The following BBS5 variants were observed in gnomAD, a reference collection of about 807,000 sequenced individuals.
BBS5 encodes the protein BBSome complex member BBS5.
In BBS5, 39 loss-of-function variants were observed where a neutral mutation model predicts 50.2. The ratio of observed to expected loss-of-function variants is 0.78; its 90% CI spans 0.60 to 1.01. The LOEUF is 1.01. BBS5 is among the 50% of genes least tolerant of loss of function. BBS5 has a pLI of 0.00. For missense variants in BBS5, 356 were observed against 401.5 expected (o/e 0.89, Z 0.97); for synonymous variants, 134 against 133.1 (o/e 1.01, Z -0.05).
At chr2:169,482,006 T>C (rs1190020504) in intron 1 of BBS5, among the ~76,000 whole-genome samples, 1 of 152,204 alleles carries the variant, frequency 6.6e-6, no homozygotes, top group African/African-American at 2.4e-5. Flanking sequence ...CTTTTCCTTT[T>C]ATTTTTCAAA....
chr2:169,490,190 T>A (rs1250700462), intron 5 of BBS5, among the ~76,000 whole-genome samples: 1 of 133,640 alleles, frequency 7.5e-6, no homozygotes, highest in Non-Finnish European at 1.6e-5. Context: ...AATGTGCATT[T>A]TTTTTTTTTT....
At chr2:169,502,075 T>A (rs912442141) in intron 9 of BBS5, among the ~76,000 whole-genome samples, 4 of 152,152 alleles carry the variant, frequency 2.6e-5, no homozygotes, top group Admixed American at 6.6e-5. Flanking sequence ...TCAGAATTAA[T>A]CAGCCTCCTC....
chr2:169,494,487 C>T (rs539838882), intron 7 of BBS5, among the ~76,000 whole-genome samples: 4 of 151,194 alleles, frequency 2.6e-5, no homozygotes, highest in South Asian at 2.1e-4. Flanking sequence ...GAGGCAGAGG[C>T]GGGAGGATTG....
At position 169,493,815 on chromosome 2, in the gene BBS5, C is replaced by A; in HGVS notation, c.597C>A (p.Val199=). The change falls in exon 7 of 12, where the codon GTC becomes GTA. Residue 199 remains valine, a synonymous_variant. Transcript: ENST00000295240. ...CAAATATGAATGATAGTTTTAATGT[C>A]AGTATACCATATCTGCAAATTGTAA... The part of the protein sequence containing the change: ...WHANMNDSFN[V]SIPYLQIRSI... The A allele has an allele frequency of 6.2e-7, 1 of 1,604,552 alleles. No individual in the cohort carries two copies. The highest frequency in any genetic ancestry group is 1.1e-5 in the South Asian group (1 of 90,766).
rs1173321194 is a variant in BBS5, at chr2:169,497,651, A to G, written c.643A>G (p.Lys215Glu). The G allele has an allele frequency of 6.3e-7, 1 of 1,599,448 alleles. No individual in the cohort carries two copies. The highest frequency in any genetic ancestry group is 2.2e-5 in the East Asian group (1 of 44,652). Reference sequence around the variant, plus strand: ...GCGTTCAATAAAGATTAGAGATTCAAAATTTGGTTTAGCTCTTGTCATAGA... The same window carrying G: ...GCGTTCAATAAAGATTAGAGATTCAGAATTTGGTTTAGCTCTTGTCATAGA... ...QIRSIKIRDSKFGLALVIESS... is the reference protein window; with the variant it reads ...QIRSIKIRDSEFGLALVIESS... Residue 215 changes from lysine (K) to glutamate (E), a missense_variant, in exon 8 of 12, where the codon AAA becomes GAA. Physicochemically the swap from Lys to Glu is moderately conservative, Grantham distance 56. Transcript: ENST00000295240.
chr2:169,506,574 A>G lies in BBS5; in HGVS notation c.*1992A>G, dbSNP rs905276780. ...CCTAGTTTATAAATGTTTATTTTGTACTTAATACCTGTAAAGTCTTAGTTT... is the reference window on the plus strand; with the variant it reads ...CCTAGTTTATAAATGTTTATTTTGTGCTTAATACCTGTAAAGTCTTAGTTT... On this transcript the variant is annotated 3_prime_UTR_variant, in exon 12 of 12. Coordinates refer to ENST00000295240, the MANE Select transcript of BBS5 (RefSeq NM_152384.3). The G allele has an allele frequency of 6.6e-6, 1 of 152,402 alleles. No homozygotes were observed. Among genetic ancestry groups the G allele is most frequent in the Non-Finnish European group, 1.5e-5 (1 of 68,310 alleles). The allele number at this position is 152,402 out of a possible 1,614,324, so 9.4% of individuals were successfully genotyped here. A position where few individuals can be genotyped will look rare whatever the true frequency, so the allele number is the denominator to read the frequency against.
rs17854325 is a variant in BBS5 at position 169,499,533 on chromosome 2, A to G, written c.729A>G (p.Leu243=). ...LGFKIDPVEK[L]QESVKEINSL... The stretch of plus-strand genomic sequence containing the variant: ...TTAAAATAGATCCTGTGGAAAAACT[A>G]CAAGAATCAGTTAAGGAAATCAATT... Residue 243 remains leucine (L), a synonymous_variant, in exon 9 of 12, where the codon CTA becomes CTG. Coordinates refer to ENST00000295240, the MANE Select transcript of BBS5 (RefSeq NM_152384.3). The G allele has an allele frequency of 6.2e-7, 1 of 1,613,490 alleles. No homozygotes were observed. The highest frequency in any genetic ancestry group is 8.5e-7 in the Non-Finnish European group (1 of 1,179,448).
At chr2:169,489,749 G>A (rs1157329797) in intron 5 of BBS5, among the ~76,000 whole-genome samples, 1 of 149,740 alleles carries the variant, frequency 6.7e-6, no homozygotes, top group Non-Finnish European at 1.5e-5. Flanking sequence ...AGACACATAG[G>A]TATGTGTATA....
At chr2:169,487,365 A>G (rs1683504088) in intron 3 of BBS5, among the ~76,000 whole-genome samples, 1 of 152,034 alleles carries the variant, frequency 6.6e-6, no homozygotes, top group South Asian at 2.1e-4. Context: ...TTGTTTTTTG[A>G]TTATTTTTGA....
In BBS5 at chr2:169,499,556, A is replaced by T; in HGVS notation, c.752A>T (p.Asn251Ile). ...EKLQESVKEI[N>I]SLHKVYSASP... ...CTACAAGAATCAGTTAAGGAAATCA[A>T]TTCACTTCACAAAGTCTATTCTGCC... Residue 251 changes from asparagine to isoleucine, a missense_variant, in exon 9 of 12, where the codon AAT (asparagine) becomes ATT (isoleucine). By Grantham distance (149) the Asn-to-Ile change is moderately radical (BLOSUM62 -3). Coordinates refer to ENST00000295240, the MANE Select transcript of BBS5 (RefSeq NM_152384.3). 6.2e-7 allele frequency: 1 copy of T among 1,613,716 alleles called. No individual in the cohort carries two copies. The highest frequency in any genetic ancestry group is 2.2e-5 in the East Asian group (1 of 44,852).
intron 9 of BBS5, among the ~76,000 whole-genome samples, chr2:169,499,832 C>G (rs916955385): frequency 2.6e-5 from 4 of 152,202 alleles, no homozygotes; most frequent in African/African-American, 9.7e-5. Flanking sequence ...CATTCCTGCC[C>G]CGCATACCTG....
At position 169,506,035 on chromosome 2, in the gene BBS5, C is replaced by T. The variant is rs1382859713; in HGVS notation, c.*1453C>T. 2 of 143,070 alleles carry T rather than the reference C, an allele frequency of 1.4e-5. No homozygotes were observed. Among genetic ancestry groups the T allele is most frequent in the African/African-American group, 5.2e-5 (2 of 38,724 alleles). The allele number at this position is 143,070 out of a possible 1,614,324, so 8.9% of individuals were successfully genotyped here. A position where few individuals can be genotyped will look rare whatever the true frequency, so the allele number is the denominator to read the frequency against. On this transcript the variant is annotated 3_prime_UTR_variant, in exon 12 of 12. Coordinates refer to ENST00000295240, the MANE Select transcript of BBS5 (RefSeq NM_152384.3). ...CAGCCCCCCGCCCGGCTAGCCGCCC[C>T]GTCCGGGAGGCGAGGGGCGCCTCTG...
rs866297056 is a variant in BBS5, at chr2:169,492,871, T to C, written c.387-3T>C. 3.1e-6 allele frequency: 5 copies of C among 1,610,602 alleles called. No individual in the cohort carries two copies. In the Middle Eastern group the frequency reaches 5.6e-4, roughly 179 times the overall value. On this transcript the variant is annotated splice_polypyrimidine_tract_variant and splice_region_variant and intron_variant, in intron 5 of 11. Transcript: ENST00000295240. ...GTTGTCTTTTGTTTGTTCTTTTTCA[T>C]AGAGCTTATGAAACTTCTAAAATGT...
At chr2:169,487,767 C>T (rs766898441) in intron 3 of BBS5, 39 bp from the exon 4 acceptor site, 4 of 1,472,608 alleles carry the variant, frequency 2.7e-6, no homozygotes. Context: ...CTCAGTGTAC[C>T]ATATCATGCT....
At chr2:169,487,769 T>C in intron 3 of BBS5, 37 bp from the exon 4 acceptor site, 1 of 1,506,996 alleles carries the variant, frequency 6.6e-7, no homozygotes, top group Non-Finnish European at 9.2e-7. Context: ...CAGTGTACCA[T>C]ATCATGCTCT....
chr2:169,492,270 T>G (rs935393909), intron 5 of BBS5, among the ~76,000 whole-genome samples: 1 of 151,410 alleles, frequency 6.6e-6, no homozygotes, highest in South Asian at 2.1e-4. Context: ...GGCGGGCAGA[T>G]CACGAGGTCA....
chr2:169,491,997 A>G (rs150771809), intron 5 of BBS5, among the ~76,000 whole-genome samples: 1,523 of 151,408 alleles, frequency 0.01, 13 homozygotes, highest in Non-Finnish European at 0.017. Flanking sequence ...GGGTTTCACC[A>G]TGTTGGCCAG....
At chr2:169,492,049 G>A (rs1248018975) in intron 5 of BBS5, among the ~76,000 whole-genome samples, 1 of 151,706 alleles carries the variant, frequency 6.6e-6, no homozygotes, top group African/African-American at 2.4e-5. Context: ...TGCCCACCTC[G>A]GCCTCCCAAA....
chr2:169,503,536 A>C (rs1683846946), intron 10 of BBS5, among the ~76,000 whole-genome samples: 1 of 152,236 alleles, frequency 6.6e-6, no homozygotes, highest in Admixed American at 6.5e-5. Context: ...CTTTGAAAAC[A>C]CAGTTATTCA....
Sources: gnomAD v4.1 joint callset for allele counts (sites outside exome capture counted in the v4.1 genomes callset) on GRCh38, gnomAD v4.1.1 for gene constraint, MANE v1.5 for transcripts, NCBI Gene and HGNC (gene_info 2026-07-23, HGNC 2026-07-21) for gene names.